The following ENTREP2 variants were observed in gnomAD, a reference collection of about 807,000 sequenced individuals.
ENTREP2 encodes the protein endosomal transmembrane epsin interactor 2.
the ENTREP2 span, among the ~76,000 whole-genome samples, chr15:29,365,912 A>C: frequency 1.3e-5 from 2 of 152,102 alleles, no homozygotes; most frequent in African/African-American, 4.8e-5. Context: ...CCCCGAATCA[A>C]GGTGCAGCAG....
the ENTREP2 span, among the ~76,000 whole-genome samples, chr15:29,294,453 G>A: frequency 4.6e-5 from 7 of 152,166 alleles, no homozygotes; most frequent in Non-Finnish European, 8.8e-5. Context: ...GGATGAGTAG[G>A]GAGACAGCCC....
At chr15:29,374,555 G>T in the ENTREP2 span, 1 of 151,716 alleles carries the variant, frequency 6.6e-6, no homozygotes, top group African/African-American at 2.4e-5. Flanking sequence ...ACAATACATT[G>T]GTGCATTTTT....
chr15:29,169,719 GTA>G, the ENTREP2 span, among the ~76,000 whole-genome samples: 987 of 152,234 alleles, frequency 6.5e-3, 16 homozygotes, highest in African/African-American at 0.022. Context: ...ATAGCAGTTG[GTA>G]TTTCAACACT....
chr15:29,661,255 C>A, the ENTREP2 span, among the ~76,000 whole-genome samples: 3 of 152,122 alleles, frequency 2.0e-5, no homozygotes, highest in Non-Finnish European at 2.9e-5. Flanking sequence ...GGTTGGAGTG[C>A]AATGGCGAGA....
the ENTREP2 span, among the ~76,000 whole-genome samples, chr15:29,656,889 C>G: frequency 2.6e-5 from 4 of 152,198 alleles, no homozygotes; most frequent in Admixed American, 2.6e-4. Context: ...ACACAAAAAC[C>G]TGTACACAAA....
chr15:29,604,970 G>A, the ENTREP2 span, among the ~76,000 whole-genome samples: 436 of 152,330 alleles, frequency 2.9e-3, 11 homozygotes, highest in East Asian at 0.062. Context: ...GACACAAACC[G>A]TGGTATTTAT....
the ENTREP2 span, among the ~76,000 whole-genome samples, chr15:29,657,265 T>C: frequency 1.1e-3 from 171 of 151,808 alleles, 2 homozygotes; most frequent in Non-Finnish European, 1.3e-3. Flanking sequence ...TTCACCGTAT[T>C]AGCCAGGATG....
At chr15:29,126,460 G>A in the ENTREP2 span, 27 of 1,549,986 alleles carry the variant, frequency 1.7e-5, no homozygotes, top group Non-Finnish European at 2.2e-5. Context: ...CAGTGCCCTC[G>A]GACACCAGGA....
the ENTREP2 span, among the ~76,000 whole-genome samples, chr15:29,244,648 CAA>C: frequency 2.6e-5 from 4 of 152,178 alleles, no homozygotes; most frequent in Admixed American, 2.0e-4. Flanking sequence ...TCCGTGAAGA[CAA>C]AAGTGTTATA....
chr15:29,393,908 T>C, the ENTREP2 span, among the ~76,000 whole-genome samples: 3 of 152,122 alleles, frequency 2.0e-5, no homozygotes, highest in Non-Finnish European at 2.9e-5. Flanking sequence ...AAAAACAAAA[T>C]GTTATCCCAA....
chr15:29,670,455 A>G, the ENTREP2 span, among the ~76,000 whole-genome samples: 3 of 152,178 alleles, frequency 2.0e-5, no homozygotes, highest in African/African-American at 7.2e-5. Context: ...AGGACTAGGT[A>G]TTTGTGAACA....
At chr15:29,430,664 A>AAAC in the ENTREP2 span, among the ~76,000 whole-genome samples, 1 of 152,152 alleles carries the variant, frequency 6.6e-6, no homozygotes. Flanking sequence ...ACAAACAAAC[A>AAAC]AACAAACAAA....
the ENTREP2 span, among the ~76,000 whole-genome samples, chr15:29,598,943 G>A: frequency 4.6e-5 from 7 of 152,170 alleles, no homozygotes; most frequent in Non-Finnish European, 7.4e-5. Flanking sequence ...TGATCCGCCC[G>A]CCTCGGCCTC....
the ENTREP2 span, among the ~76,000 whole-genome samples, chr15:29,401,225 C>A: frequency 5.3e-5 from 8 of 151,942 alleles, no homozygotes; most frequent in East Asian, 3.9e-4. Context: ...TTAAAAAAAA[C>A]CCATAAAACC....
At chr15:29,168,373 A>C in the ENTREP2 span, among the ~76,000 whole-genome samples, 2 of 152,198 alleles carry the variant, frequency 1.3e-5, no homozygotes, top group African/African-American at 4.8e-5. Flanking sequence ...AAACCCAATA[A>C]AGAAAGAAAG....
the ENTREP2 span, among the ~76,000 whole-genome samples, chr15:29,669,700 G>A: frequency 1.3e-5 from 2 of 152,204 alleles, no homozygotes; most frequent in Non-Finnish European, 2.9e-5. Flanking sequence ...ATTGGATGCA[G>A]GGCCCGAAGG....
chr15:29,427,282 G>C, the ENTREP2 span, among the ~76,000 whole-genome samples: 1 of 152,052 alleles, frequency 6.6e-6, no homozygotes, highest in Non-Finnish European at 1.5e-5. Context: ...CTGTTCATAC[G>C]AATCATGGAG....
chr15:29,579,750 G>T, the ENTREP2 span, among the ~76,000 whole-genome samples: 1 of 110,748 alleles, frequency 9.0e-6, no homozygotes, highest in East Asian at 3.0e-4. Context: ...TCACTCTGTC[G>T]CCCAGGCTGG....
the ENTREP2 span, among the ~76,000 whole-genome samples, chr15:29,183,595 A>G: frequency 6.6e-6 from 1 of 152,246 alleles, no homozygotes; most frequent in Non-Finnish European, 1.5e-5. Context: ...GACCATGCAG[A>G]AGCCCCACGA....
Sources: gnomAD v4.1 joint callset for allele counts (sites outside exome capture counted in the v4.1 genomes callset) on GRCh38, gnomAD v4.1.1 for gene constraint, MANE v1.5 for transcripts, NCBI Gene and HGNC (gene_info 2026-07-23, HGNC 2026-07-21) for gene names.